Variants in C5orf34 observed in about 807,000 individuals in gnomAD.
C5orf34 encodes uncharacterized protein C5orf34.
Under a neutral mutation model 78.4 loss-of-function variants are expected in C5orf34, and 73 were observed. The observed-to-expected ratio is 0.93, with a 90% confidence interval of 0.77 to 1.13. The LOEUF (loss-of-function observed/expected upper bound fraction) is 1.13, where lower values mean the gene tolerates loss of function less well. Ranked by LOEUF, C5orf34 falls within the 50% of genes most tolerant of loss-of-function variation. The probability of loss-of-function intolerance (pLI) is 0.00; values close to 1 mark genes in which losing one functional copy is unlikely to be tolerated. For synonymous variants in C5orf34, 251 were observed against 246.6 expected (o/e 1.02, Z -0.17); for missense variants, 730 against 732.7 (o/e 1.00, Z 0.04).
In C5orf34 at chr5:43,505,857, T is replaced by C. The variant is rs543553657; in HGVS notation, c.823A>G (p.Ile275Val). The C allele has an allele frequency of 1.4e-5, 22 of 1,613,914 alleles. No homozygotes were observed. The South Asian group carries it at 1.6e-4, about 12-fold the overall frequency. ...ISNMSKIDAHITQSRFLTSDI... is the reference protein window; with the variant it reads ...ISNMSKIDAHVTQSRFLTSDI... ...GAAGTTAAAAATCTACTCTGAGTTA[T>C]ATGTGCATCAATTTTAGACATATTG... Residue 275 changes from isoleucine to valine, a missense_variant, in exon 4 of 13, where the codon ATA (isoleucine) becomes GTA (valine). Transcript: ENST00000306862.
rs1040785299 is a variant in C5orf34 at position 43,492,634 on chromosome 5, C to A, written c.1485+86G>T. The A allele has an allele frequency of 6.9e-6, 8 of 1,153,748 alleles. No individual in the cohort carries two copies. The African/African-American group carries it at 1.3e-4, about 18-fold the overall frequency. 71.5% of individuals were successfully genotyped at this position (1,153,748 alleles called of 1,614,324 possible). A position where few individuals can be genotyped will look rare whatever the true frequency, so the allele number is the denominator to read the frequency against. ...CAGATTTTATACTTCAAAAAATGAA[C>A]TGAAATAGTGTGGTACTTTGTTTTC... is the stretch of plus-strand genomic sequence containing the variant. On this transcript the variant is annotated intron_variant, in intron 9 of 12. Coordinates refer to ENST00000306862, the MANE Select transcript of C5orf34 (RefSeq NM_198566.4).
intron 4 of C5orf34, among the ~76,000 whole-genome samples, chr5:43,504,522 G>A (rs918516120): frequency 4.6e-5 from 7 of 152,138 alleles, no homozygotes; most frequent in Non-Finnish European, 4.4e-5. Flanking sequence ...AAGAAGTTAG[G>A]TTTAAGCTGA....
At chr5:43,495,675 C>G in intron 6 of C5orf34, 1 of 1,579,308 alleles carries the variant, frequency 6.3e-7, no homozygotes. Context: ...CCAACAGGAA[C>G]AGTACCAATA....
intron 6 of C5orf34, among the ~76,000 whole-genome samples, chr5:43,500,970 A>G (rs1745733083): frequency 6.6e-6 from 1 of 152,244 alleles, no homozygotes. Context: ...CCTTTGCACT[A>G]AAACAGACAG....
intron 6 of C5orf34, among the ~76,000 whole-genome samples, chr5:43,497,358 G>A (rs1391950223): frequency 2.0e-5 from 3 of 152,108 alleles, no homozygotes; most frequent in Non-Finnish European, 4.4e-5. Context: ...CACTTTACAT[G>A]GATTATCTCA....
chr5:43,497,089 G>A (rs1381637276), intron 6 of C5orf34, among the ~76,000 whole-genome samples: 3 of 152,058 alleles, frequency 2.0e-5, no homozygotes, highest in African/African-American at 7.2e-5. Flanking sequence ...TACTGCTACA[G>A]TTTGTGGAAG....
intron 6 of C5orf34, chr5:43,496,572 GTT>G: frequency 1.6e-6 from 1 of 628,816 alleles, no homozygotes; most frequent in Non-Finnish European, 2.3e-6. Context: ...TCATTCAAAA[GTT>G]TTTTTTAATT....
intron 6 of C5orf34, chr5:43,495,414 G>C: frequency 1.2e-6 from 2 of 1,611,542 alleles, no homozygotes; most frequent in South Asian, 2.2e-5. Context: ...TGGCCTGGAT[G>C]GTTCAGGATA....
At chr5:43,505,623 G>T in intron 4 of C5orf34, 125 bp downstream of exon 4, 2 of 1,034,578 alleles carry the variant, frequency 1.9e-6, no homozygotes, top group East Asian at 2.5e-5. Flanking sequence ...TTTACTATCA[G>T]TTAAAAGCAA....
chr5:43,510,875 G>A (rs1475479301), intron 1 of C5orf34, among the ~76,000 whole-genome samples: 2 of 152,236 alleles, frequency 1.3e-5, no homozygotes, highest in Non-Finnish European at 2.9e-5. Flanking sequence ...CATCTGGGAA[G>A]TGAGGAGTGT....
chr5:43,509,120 T>C, intron 2 of C5orf34, 25 bp downstream of exon 2: 1 of 1,590,294 alleles, frequency 6.3e-7, no homozygotes. Context: ...AACAAAAAAG[T>C]TGTTTACGTG....
rs574902419 is a variant in C5orf34 at position 43,486,908 on chromosome 5, C to T, written c.*7G>A. 4.1e-6 allele frequency: 6 copies of T among 1,481,006 alleles called. No individual in the cohort carries two copies. In the South Asian group the frequency reaches 4.2e-5, roughly 10 times the overall value. The allele number at this position is 1,481,006 out of a possible 1,614,324, so 91.7% of individuals were successfully genotyped here. On this transcript the variant is annotated 3_prime_UTR_variant, in exon 13 of 13. Coordinates refer to ENST00000306862, the MANE Select transcript of C5orf34 (RefSeq NM_198566.4). ...ACTTTAATAATATGTTGTAATAATT[C>T]CATTTTTCACTTTTTAGAGTTTGAT...
intron 4 of C5orf34, 74 bp from the exon 5 acceptor site, chr5:43,503,834 G>C: frequency 4.4e-6 from 4 of 917,378 alleles, no homozygotes; most frequent in Non-Finnish European, 7.2e-6. Context: ...ACAAAATGTT[G>C]CTACTGTAAC....
chr5:43,498,397 C>T (rs1269892176), intron 6 of C5orf34, among the ~76,000 whole-genome samples: 1 of 152,070 alleles, frequency 6.6e-6, no homozygotes, highest in African/African-American at 2.4e-5. Flanking sequence ...GTCTTATAAT[C>T]TATTAGGCAG....
At chr5:43,505,279 C>T (rs913688341) in intron 4 of C5orf34, among the ~76,000 whole-genome samples, 2 of 152,320 alleles carry the variant, frequency 1.3e-5, no homozygotes, top group African/African-American at 2.4e-5. Context: ...ACCAAAGACA[C>T]GGGTAGCCTC....
intron 1 of C5orf34, 83 bp downstream of exon 1, chr5:43,514,723 G>A (rs1006401027): frequency 6.6e-6 from 1 of 152,160 alleles, no homozygotes; most frequent in Admixed American, 6.5e-5. Flanking sequence ...ACATGAATGA[G>A]AATCTCATTT....
chr5:43,501,489 G>C (rs1431968692), intron 6 of C5orf34, among the ~76,000 whole-genome samples: 1 of 152,138 alleles, frequency 6.6e-6, no homozygotes, highest in Non-Finnish European at 1.5e-5. Flanking sequence ...CCCCAGTTGG[G>C]AATCTGTTCC....
At chr5:43,511,844 A>G (rs1021054841) in intron 1 of C5orf34, among the ~76,000 whole-genome samples, 1 of 152,128 alleles carries the variant, frequency 6.6e-6, no homozygotes, top group Admixed American at 6.5e-5. Context: ...GCTCGTTAAG[A>G]GTCATCACCA....
chr5:43,502,264 G>A, intron 6 of C5orf34, 108 bp downstream of exon 6: 1 of 1,059,740 alleles, frequency 9.4e-7, no homozygotes, highest in Non-Finnish European at 1.4e-6. Flanking sequence ...AGACTGGGGA[G>A]TAGGAAGCAA....
Sources: allele counts gnomAD v4.1 joint callset (sites outside exome capture counted in the v4.1 genomes callset), GRCh38; gene constraint gnomAD v4.1.1; transcripts MANE v1.5; gene names NCBI Gene and HGNC (gene_info 2026-07-23, HGNC 2026-07-21).